FRMD4B: variants seen among roughly 807,000 people sequenced by gnomAD.
The protein encoded by FRMD4B is FERM domain containing 4B, also known as FERM domain-containing protein 4B.
FRMD4B carries 74 observed loss-of-function variants against 141.5 expected under a neutral mutation model. That is an observed-to-expected ratio of 0.52 (90% CI 0.43 to 0.63). FRMD4B has a LOEUF of 0.63. FRMD4B is among the 30% of genes least tolerant of loss of function. FRMD4B has a pLI of 0.00. For synonymous variants in FRMD4B, 506 were observed against 467.9 expected (o/e 1.08, Z -1.05); for missense variants, 1,366 against 1,253.4 (o/e 1.09, Z -1.36).
chr3:69,397,328 C>T (rs1192077825), intron 2 of FRMD4B, among the ~76,000 whole-genome samples: 1 of 151,666 alleles, frequency 6.6e-6, no homozygotes, highest in Non-Finnish European at 1.5e-5. Context: ...CGTGAGGTGT[C>T]GTGAATAGGG....
At chr3:69,398,387 C>T (rs548225684) in intron 2 of FRMD4B, among the ~76,000 whole-genome samples, 287 of 152,150 alleles carry the variant, frequency 1.9e-3, no homozygotes, top group Non-Finnish European at 3.0e-3. Flanking sequence ...AAACATTTAT[C>T]GTTTCTTTGT....
intron 14 of FRMD4B, 61 bp downstream of exon 14, chr3:69,196,194 A>G (rs2092901611): frequency 1.5e-6 from 2 of 1,357,756 alleles, no homozygotes; most frequent in East Asian, 5.0e-5. Context: ...GAAGTGGTTT[A>G]TGACCGAAAA....
chr3:69,541,511 C>A (rs1462580696), intron 1 of FRMD4B, among the ~76,000 whole-genome samples: 1 of 152,158 alleles, frequency 6.6e-6, no homozygotes, highest in Non-Finnish European at 1.5e-5. Flanking sequence ...TGAACAAGAG[C>A]AGGCACTGTT....
intron 1 of FRMD4B, among the ~76,000 whole-genome samples, chr3:69,540,035 A>C (rs946837336): frequency 6.6e-6 from 1 of 152,200 alleles, no homozygotes; most frequent in African/African-American, 2.4e-5. Flanking sequence ...TCTACTAAAA[A>C]TACAAAAATT....
intron 7 of FRMD4B, among the ~76,000 whole-genome samples, chr3:69,236,218 T>C (rs1004068708): frequency 4.0e-5 from 6 of 151,756 alleles, no homozygotes; most frequent in African/African-American, 1.5e-4. Flanking sequence ...TTGTTGTTGT[T>C]ATTGTTTTGG....
intron 22 of FRMD4B, among the ~76,000 whole-genome samples, chr3:69,172,726 T>C (rs537479919): frequency 6.6e-6 from 1 of 152,302 alleles, no homozygotes; most frequent in South Asian, 2.1e-4. Flanking sequence ...CATACGCATA[T>C]TTAGATGGCA....
intron 1 of FRMD4B, among the ~76,000 whole-genome samples, chr3:69,342,919 G>C (rs997162636): frequency 2.0e-5 from 3 of 152,034 alleles, no homozygotes; most frequent in South Asian, 2.1e-4. Context: ...GGGGAAGGAG[G>C]GATAGGGAGA....
chr3:69,462,504 C>T (rs77927807), intron 1 of FRMD4B, among the ~76,000 whole-genome samples: 1,562 of 152,342 alleles, frequency 0.01, 26 homozygotes, highest in African/African-American at 0.035. Flanking sequence ...ACTAACAGCA[C>T]AGCTACAGGG....
chr3:69,307,970 A>G (rs770780836), intron 3 of FRMD4B, among the ~76,000 whole-genome samples: 12 of 152,088 alleles, frequency 7.9e-5, no homozygotes, highest in Non-Finnish European at 8.8e-5. Flanking sequence ...TGCCATGTTC[A>G]TGCATTTGCC....
intron 7 of FRMD4B, among the ~76,000 whole-genome samples, chr3:69,244,714 T>C (rs2093411123): frequency 2.6e-5 from 4 of 151,994 alleles, no homozygotes; most frequent in Admixed American, 1.3e-4. Flanking sequence ...GACAACATGG[T>C]GAAAACTTGT....
intron 7 of FRMD4B, among the ~76,000 whole-genome samples, chr3:69,235,551 C>T (rs1261060158): frequency 6.6e-6 from 1 of 151,784 alleles, no homozygotes; most frequent in Non-Finnish European, 1.5e-5. Flanking sequence ...CCTAGCTACT[C>T]AGGAGGCTGA....
Position 69,287,276 on chromosome 3 carries a change from G to C in FRMD4B, c.501+476C>G, listed in dbSNP as rs377022722. On this transcript the variant is annotated intron_variant, in intron 5 of 22. Coordinates refer to ENST00000398540, the MANE Select transcript of FRMD4B (RefSeq NM_015123.3). ...CCTTACCACAGATAACTGAGATACT[G>C]CTTGAAAATATGTGGCTGTGAGCAG... Among the ~76,000 whole-genome samples, 16 of 152,320 alleles carry C rather than the reference G, an allele frequency of 1.1e-4. No homozygotes were observed. In the South Asian group the frequency reaches 1.7e-3, roughly 16 times the overall value.
intron 1 of FRMD4B, among the ~76,000 whole-genome samples, chr3:69,541,795 C>CCG (rs1553652279): frequency 2.0e-5 from 3 of 151,536 alleles, no homozygotes; most frequent in African/African-American, 7.3e-5. Flanking sequence ...GATTTCCCCC[C>CCG]CCTCTTTTCG....
intron 11 of FRMD4B, among the ~76,000 whole-genome samples, chr3:69,207,307 TAAA>T (rs11389016): frequency 7.3e-6 from 1 of 136,900 alleles, no homozygotes; most frequent in Non-Finnish European, 1.5e-5. Context: ...CCTATGTCTT[TAAA>T]AAAAAAAAAA....
chr3:69,267,678 G>C, intron 5 of FRMD4B, among the ~76,000 whole-genome samples: 1 of 107,300 alleles, frequency 9.3e-6, no homozygotes, highest in African/African-American at 3.3e-5. Flanking sequence ...GAGAGAGAGA[G>C]AGAGAGAGAG....
At chr3:69,442,076 A>G (rs903204374) in intron 1 of FRMD4B, among the ~76,000 whole-genome samples, 1 of 151,976 alleles carries the variant, frequency 6.6e-6, no homozygotes, top group Admixed American at 6.6e-5. Context: ...CACAATCTGA[A>G]TGATTCACCA....
intron 1 of FRMD4B, among the ~76,000 whole-genome samples, chr3:69,492,980 G>A (rs1706326518): frequency 6.6e-6 from 1 of 152,162 alleles, no homozygotes; most frequent in Non-Finnish European, 1.5e-5. Context: ...TGTATCTTCA[G>A]TCTCAGGTGC....
intron 12 of FRMD4B, 65 bp downstream of exon 12, chr3:69,198,633 A>G (rs1401681917): frequency 3.8e-6 from 3 of 790,180 alleles, no homozygotes; most frequent in Non-Finnish European, 6.5e-6. Flanking sequence ...CTTGTACACA[A>G]ATGTTGATAG....
chr3:69,200,939 C>G (rs1368459570), intron 11 of FRMD4B: 1 of 444,360 alleles, frequency 2.3e-6, no homozygotes, highest in Non-Finnish European at 4.6e-6. Context: ...GTCACCACCT[C>G]CCCCTCTTAT....
Sources: allele counts gnomAD v4.1 joint callset (sites outside exome capture counted in the v4.1 genomes callset), GRCh38; gene constraint gnomAD v4.1.1; transcripts MANE v1.5; gene names NCBI Gene and HGNC (gene_info 2026-07-23, HGNC 2026-07-21).